Variants in TTC17 observed in about 807,000 individuals in gnomAD.
TTC17 encodes the protein tetratricopeptide repeat domain 17.
TTC17 carries 58 observed loss-of-function variants against 143.8 expected under a neutral mutation model. The observed-to-expected ratio is 0.40, with a 90% CI of 0.33 to 0.50. TTC17 has a LOEUF of 0.50. Among genes scored for constraint, TTC17 ranks in the 20% least tolerant of loss-of-function variants. TTC17 has a pLI of 0.49. For synonymous variants in TTC17, 501 were observed against 497.8 expected (o/e 1.01, Z -0.09); for missense variants, 1,273 against 1,392.5 (o/e 0.91, Z 1.37).
intron 22 of TTC17, chr11:43,491,325 T>A (rs558142665): frequency 1.2e-4 from 18 of 152,342 alleles, no homozygotes; most frequent in African/African-American, 1.7e-4. Context: ...ATAGCAATCT[T>A]GCTACTTGTT....
chr11:43,429,259 CAG>C (rs1212211114), intron 16 of TTC17, among the ~76,000 whole-genome samples: 5 of 152,184 alleles, frequency 3.3e-5, no homozygotes, highest in Admixed American at 1.3e-4. Flanking sequence ...ATCCTAGACA[CAG>C]AAATGTAAAT....
At chr11:43,453,046 G>A (rs772185503) in intron 21 of TTC17, among the ~76,000 whole-genome samples, 2 of 152,142 alleles carry the variant, frequency 1.3e-5, no homozygotes, top group Non-Finnish European at 2.9e-5. Flanking sequence ...TTAAACTTGA[G>A]TGCCAGGCCA....
chr11:43,407,095 CCT>C (rs779811704), intron 13 of TTC17, 41 bp from the exon 14 acceptor site: 5 of 1,367,340 alleles, frequency 3.7e-6, no homozygotes, highest in South Asian at 2.7e-5. Context: ...AAATGTCTTC[CCT>C]GTTATTTTCA....
At position 43,467,403 on chromosome 11, in the gene TTC17, A is replaced by G. The variant is rs148993417; in HGVS notation, c.3030+16138A>G. On this transcript the variant is annotated intron_variant, in intron 21 of 23. Coordinates refer to ENST00000039989, the MANE Select transcript of TTC17 (RefSeq NM_018259.6). ...AATCTTGAGGAATTAACGGTAAGTGAAATAAGCCAGTCACAAAAAGGCCAA... is the reference window on the plus strand; with the variant it reads ...AATCTTGAGGAATTAACGGTAAGTGGAATAAGCCAGTCACAAAAAGGCCAA... Among the ~76,000 whole-genome samples, 3 of 152,368 alleles carry G rather than the reference A, an allele frequency of 2.0e-5. No individual in the cohort carries two copies. In the East Asian group the frequency reaches 5.8e-4, roughly 29 times the overall value.
rs139318759 is a variant in TTC17 at position 43,402,889 on chromosome 11, A to G, written c.1333-1109A>G. 5.9e-5 allele frequency among the ~76,000 whole-genome samples: 9 copies of G among 152,314 alleles called. No individual in the cohort carries two copies. In the East Asian group the frequency reaches 1.5e-3, roughly 26 times the overall value. On this transcript the variant is annotated intron_variant, in intron 10 of 23. Coordinates refer to ENST00000039989, the MANE Select transcript of TTC17 (RefSeq NM_018259.6). ...TAACTAAGAGATTAGGAGAGCATCT[A>G]TAGGAGGACAAACCACAAAAACTTA...
At chr11:43,469,704 C>T (rs1948053430) in intron 21 of TTC17, among the ~76,000 whole-genome samples, 1 of 152,166 alleles carries the variant, frequency 6.6e-6, no homozygotes, top group South Asian at 2.1e-4. Context: ...AAGGTATTGA[C>T]TGGAATACCG....
At chr11:43,481,573 A>C (rs1948287803) in intron 21 of TTC17, among the ~76,000 whole-genome samples, 1 of 152,144 alleles carries the variant, frequency 6.6e-6, no homozygotes, top group Admixed American at 6.5e-5. Flanking sequence ...AGGGCTATTC[A>C]AATTATCTCT....
chr11:43,404,310 A>G (rs1466943724), intron 11 of TTC17, among the ~76,000 whole-genome samples, 166 bp downstream of exon 11: 1 of 152,198 alleles, frequency 6.6e-6, no homozygotes, highest in Non-Finnish European at 1.5e-5. Context: ...TAGGTAGTGA[A>G]TGAGTAAGAT....
chr11:43,491,537 TTGTGTCCTAATA>T (rs1001237216), intron 22 of TTC17: 1 of 152,836 alleles, frequency 6.5e-6, no homozygotes, highest in Non-Finnish European at 1.5e-5. Flanking sequence ...CTGGGAATGA[TTGTGTCCTAATA>T]AAACTTTTTT....
Position 43,401,424 on chromosome 11 carries a change from GTA to G in TTC17, c.1220-21_1220-20del. 2.0e-6 allele frequency: 3 copies of G among 1,538,190 alleles called. No individual in the cohort carries two copies. The highest frequency in any genetic ancestry group is 2.7e-6 in the Non-Finnish European group (3 of 1,120,750). ...ATTGTTGACCTTGCTCATCATTTGTGTAATTTCCTTTCTTATTCCAGGAAATC... is the reference window on the plus strand; with the variant it reads ...ATTGTTGACCTTGCTCATCATTTGTGATTTCCTTTCTTATTCCAGGAAATC... On this transcript the variant is annotated intron_variant, in intron 9 of 23. Transcript: ENST00000039989.
chr11:43,447,945 C>G, intron 18 of TTC17, 57 bp from the exon 19 acceptor site: 1 of 1,595,812 alleles, frequency 6.3e-7, no homozygotes, highest in Admixed American at 1.7e-5. Flanking sequence ...GGGCATAAGG[C>G]CCTTTGGGTT....
intron 21 of TTC17, among the ~76,000 whole-genome samples, chr11:43,453,655 C>T (rs1737304753): frequency 6.6e-6 from 1 of 152,068 alleles, no homozygotes; most frequent in Non-Finnish European, 1.5e-5. Context: ...GTATAAGGGA[C>T]TAGTAGCAAG....
intron 21 of TTC17, among the ~76,000 whole-genome samples, chr11:43,453,306 T>C (rs776425832): frequency 3.9e-5 from 6 of 152,058 alleles, no homozygotes; most frequent in Non-Finnish European, 8.8e-5. Context: ...GTGCACTGTG[T>C]GCCATAGAAA....
At chr11:43,436,272 A>G (rs17853132) in intron 16 of TTC17, 1 of 1,431,644 alleles carries the variant, frequency 7.0e-7, no homozygotes, top group Non-Finnish European at 9.1e-7. Context: ...AGAGGAACAG[A>G]GGAGGACCCT....
intron 5 of TTC17, chr11:43,396,157 T>C (rs1857583809): frequency 1.3e-5 from 2 of 152,132 alleles, no homozygotes; most frequent in South Asian, 4.1e-4. Context: ...ACTTGTATCT[T>C]TTAAGTTTCT....
At chr11:43,410,432 C>G (rs1272645576) in intron 15 of TTC17, among the ~76,000 whole-genome samples, 1 of 152,098 alleles carries the variant, frequency 6.6e-6, no homozygotes, top group Non-Finnish European at 1.5e-5. Flanking sequence ...ATAGTTGGCT[C>G]TCAAATATAT....
In TTC17 at chr11:43,444,053, C is replaced by A; in HGVS notation, c.2512-3C>A. ...TTGTCCCTAACATGTTTCTGTTTCC[C>A]AGATTACATTCCAGGTCAAACGTGT... On this transcript the variant is annotated splice_polypyrimidine_tract_variant and splice_region_variant and intron_variant, in intron 17 of 23. Coordinates refer to ENST00000039989, the MANE Select transcript of TTC17 (RefSeq NM_018259.6). 6.3e-7 allele frequency: 1 copy of A among 1,595,230 alleles called. No homozygotes were observed. The highest frequency in any genetic ancestry group is 1.2e-5 in the South Asian group (1 of 86,400).
intron 21 of TTC17, among the ~76,000 whole-genome samples, chr11:43,485,822 A>C (rs989909841): frequency 1.3e-4 from 20 of 151,688 alleles, no homozygotes; most frequent in African/African-American, 4.8e-4. Context: ...AAACAATGTG[A>C]ATGGGGTTGT....
In TTC17 at chr11:43,413,817, A is replaced by G. The variant is rs1946712892; in HGVS notation, c.2065-773A>G. 5.3e-5 allele frequency among the ~76,000 whole-genome samples: 8 copies of G among 152,270 alleles called. No homozygotes were observed. In the South Asian group the frequency reaches 1.7e-3, roughly 32 times the overall value. On this transcript the variant is annotated intron_variant, in intron 15 of 23. Transcript: ENST00000039989. ...AGCTAAAATTAAAAAGACTGACAAT[A>G]CAGAGTCTCTGAATTCTCACACTTG...
Sources: allele counts gnomAD v4.1 joint callset (sites outside exome capture counted in the v4.1 genomes callset), GRCh38; gene constraint gnomAD v4.1.1; transcripts MANE v1.5; gene names NCBI Gene and HGNC (gene_info 2026-07-23, HGNC 2026-07-21).